Variants in COPS2 observed in about 807,000 individuals in gnomAD.
The protein encoded by COPS2 is COP9 signalosome subunit 2, also known as COP9 signalosome complex subunit 2.
A neutral mutation model predicts 66.1 loss-of-function variants in COPS2; 10 were observed. The ratio of observed to expected loss-of-function variants is 0.15; its 90% confidence interval spans 0.09 to 0.26. COPS2 has a LOEUF of 0.26. COPS2 is among the 10% of genes least tolerant of loss of function. The pLI is 1.00. For synonymous variants in COPS2, 179 were observed against 171.3 expected (o/e 1.04, Z -0.35); for missense variants, 215 against 513.3 (o/e 0.42, Z 5.62).
intron 4 of COPS2, chr15:49,138,004 G>C (rs1417407012): frequency 6.6e-6 from 1 of 152,222 alleles, no homozygotes; most frequent in Non-Finnish European, 1.5e-5. Context: ...AAGAAACAAA[G>C]AATAAGCTCC....
At chr15:49,152,493 T>C (rs767084542) in intron 1 of COPS2, among the ~76,000 whole-genome samples, 4 of 152,108 alleles carry the variant, frequency 2.6e-5, no homozygotes, top group Admixed American at 6.6e-5. Flanking sequence ...CATTTCATTA[T>C]GTGGTAGTGC....
At chr15:49,155,107 G>C (rs2084409805) in intron 1 of COPS2, among the ~76,000 whole-genome samples, 1 of 152,190 alleles carries the variant, frequency 6.6e-6, no homozygotes, top group East Asian at 1.9e-4. Context: ...CTAGCATTTC[G>C]CACCCGCTCA....
intron 1 of COPS2, among the ~76,000 whole-genome samples, chr15:49,149,769 C>A (rs778761553): frequency 1.3e-5 from 2 of 152,142 alleles, no homozygotes; most frequent in Non-Finnish European, 2.9e-5. Context: ...ACAATACTCA[C>A]CATTAACAAT....
At chr15:49,134,185 A>G in intron 7 of COPS2, 77 bp from the exon 8 acceptor site, 1 of 1,429,984 alleles carries the variant, frequency 7.0e-7, no homozygotes. Flanking sequence ...ATAAATGCCA[A>G]ATGAAAACTA....
At chr15:49,141,361 G>A (rs757241865) in intron 3 of COPS2, among the ~76,000 whole-genome samples, 3 of 152,134 alleles carry the variant, frequency 2.0e-5, no homozygotes, top group Non-Finnish European at 2.9e-5. Flanking sequence ...GTCAGGTGTG[G>A]TGGCATGCGC....
Position 49,137,371 on chromosome 15 carries a change from G to A in COPS2, c.439C>T (p.Leu147=), listed in dbSNP as rs745586902. Residue 147 remains leucine (L), a synonymous_variant, in exon 5 of 13, where the codon CTG becomes TTG. Coordinates refer to ENST00000388901, the MANE Select transcript of COPS2 (RefSeq NM_004236.4). ...ACCTTTGTGTTTGTCTTAAACCACA[G>A]TCTATCATTCTTAGCATCTTTCAAA... ...EALKDAKNDR[L]WFKTNTKLGK... is the part of the protein sequence containing the mutation. 1.9e-6 allele frequency: 3 copies of A among 1,610,870 alleles called. No homozygotes were observed. In the Admixed American group the frequency reaches 5.0e-5, roughly 27 times the overall value.
chr15:49,144,643 T>C (rs1023559105), intron 2 of COPS2, among the ~76,000 whole-genome samples: 2 of 152,198 alleles, frequency 1.3e-5, no homozygotes, highest in Non-Finnish European at 2.9e-5. Flanking sequence ...AAGCTATTCA[T>C]AATAATGAAA....
At chr15:49,133,532 C>T (rs548342377) in intron 9 of COPS2, among the ~76,000 whole-genome samples, 5 of 145,958 alleles carry the variant, frequency 3.4e-5, no homozygotes, top group African/African-American at 1.3e-4. Context: ...GACAGACAGA[C>T]ACACACACAT....
At chr15:49,139,017 C>G (rs1448067381) in intron 4 of COPS2, among the ~76,000 whole-genome samples, 1 of 152,108 alleles carries the variant, frequency 6.6e-6, no homozygotes, top group Non-Finnish European at 1.5e-5. Context: ...CTCCCAATAC[C>G]TTCTTTAGTT....
rs1457394192 is a variant in COPS2, at chr15:49,122,840, G to A, written c.*5110C>T. 1 of 152,098 alleles carries A rather than the reference G, an allele frequency of 6.6e-6. No homozygotes were observed. The highest frequency in any genetic ancestry group is 1.5e-5 in the Non-Finnish European group (1 of 67,996). 9.4% of individuals were successfully genotyped at this position (152,098 alleles called of 1,614,324 possible). A position where few individuals can be genotyped will look rare whatever the true frequency, so the allele number is the denominator to read the frequency against. Reference sequence around the variant, plus strand: ...ATGACACATCCTGCACATATAATCAGTTCTCAATTATTAATTGGTGGAACT... The same window carrying A: ...ATGACACATCCTGCACATATAATCAATTCTCAATTATTAATTGGTGGAACT... On this transcript the variant is annotated 3_prime_UTR_variant, in exon 13 of 13. Transcript: ENST00000388901.
chr15:49,128,815 T>C (rs2084187793), intron 11 of COPS2, 55 bp from the exon 12 acceptor site: 1 of 1,118,416 alleles, frequency 8.9e-7, no homozygotes, highest in South Asian at 1.4e-5. Flanking sequence ...TTCATAATTT[T>C]ACACAATCAT....
intron 6 of COPS2, among the ~76,000 whole-genome samples, 158 bp downstream of exon 6, chr15:49,136,992 C>CT (rs1566883361): frequency 5.6e-5 from 8 of 143,094 alleles, no homozygotes; most frequent in South Asian, 2.2e-4. Context: ...CCCTCTCTCT[C>CT]AAAAAAAAAA....
In COPS2 at chr15:49,125,117, C is replaced by T. The variant is rs1341452392; in HGVS notation, c.*2833G>A. The T allele has an allele frequency of 1.3e-5, 2 of 152,122 alleles. No individual in the cohort carries two copies. The highest frequency in any genetic ancestry group is 2.4e-5 in the African/African-American group (1 of 41,436). 9.4% of individuals were successfully genotyped at this position (152,122 alleles called of 1,614,324 possible). On this transcript the variant is annotated 3_prime_UTR_variant, in exon 13 of 13. Transcript: ENST00000388901. Reference sequence around the variant, plus strand: ...TTACATAAGGTAACAAACACTACCACCCACAGTATAGCTCATTTAAAATAG... The same window carrying T: ...TTACATAAGGTAACAAACACTACCATCCACAGTATAGCTCATTTAAAATAG...
Position 49,123,238 on chromosome 15 carries a change from C to A in COPS2, c.*4712G>T, listed in dbSNP as rs1385827737. 5 of 152,128 alleles carry A rather than the reference C, an allele frequency of 3.3e-5. No homozygotes were observed. Among genetic ancestry groups the A allele is most frequent in the Non-Finnish European group, 7.4e-5 (5 of 68,018 alleles). The allele number at this position is 152,128 out of a possible 1,614,324, so 9.4% of individuals were successfully genotyped here. On this transcript the variant is annotated 3_prime_UTR_variant, in exon 13 of 13. Coordinates refer to ENST00000388901, the MANE Select transcript of COPS2 (RefSeq NM_004236.4). ...CTTTTGACAACTTCATGGGATGACG[C>A]TAGAGATTACTTTTTCTAAACTCTA...
rs1160761726 is a variant in COPS2 at position 49,126,228 on chromosome 15, GTT to G, written c.*1720_*1721del. The G allele has an allele frequency of 2.0e-5, 3 of 152,172 alleles. No homozygotes were observed. The highest frequency in any genetic ancestry group is 2.9e-5 in the Non-Finnish European group (2 of 67,828). 9.4% of individuals were successfully genotyped at this position (152,172 alleles called of 1,614,324 possible). ...CCCTACCATAGACATTTTGTCTTTT[GTT>G]TTCTTTCCGTTTTCTACAATTTCCA... On this transcript the variant is annotated 3_prime_UTR_variant, in exon 13 of 13. Coordinates refer to ENST00000388901, the MANE Select transcript of COPS2 (RefSeq NM_004236.4).
intron 6 of COPS2, among the ~76,000 whole-genome samples, chr15:49,136,013 A>G (rs2084248501): frequency 6.6e-6 from 1 of 152,220 alleles, no homozygotes; most frequent in South Asian, 2.1e-4. Context: ...TATGCATCAG[A>G]CTAAAGCATC....
rs201934993 is a variant in COPS2, at chr15:49,150,917, AT to A, written c.54+4607del. Among the ~76,000 whole-genome samples, 18 of 152,314 alleles carry A rather than the reference AT, an allele frequency of 1.2e-4. 1 individual carries two copies. The South Asian group carries it at 2.9e-3, about 25-fold the overall frequency. On this transcript the variant is annotated intron_variant, in intron 1 of 12. Transcript: ENST00000388901. Reference sequence around the variant, plus strand: ...CCCTTGAACCTAAAAGTTAAAAAAAATAAATAAAACTGCTATATATTAAGAC... The same window carrying A: ...CCCTTGAACCTAAAAGTTAAAAAAAAAAATAAAACTGCTATATATTAAGAC...
intron 9 of COPS2, among the ~76,000 whole-genome samples, chr15:49,133,434 G>A (rs1399744464): frequency 6.6e-6 from 1 of 152,204 alleles, no homozygotes; most frequent in Non-Finnish European, 1.5e-5. Flanking sequence ...ATTAAGAGAG[G>A]TATAGGCAGT....
At chr15:49,147,229 A>G (rs1281404607) in intron 1 of COPS2, among the ~76,000 whole-genome samples, 5 of 152,204 alleles carry the variant, frequency 3.3e-5, no homozygotes, top group Admixed American at 2.0e-4. Context: ...ACAGTGTTGA[A>G]TAAGATAGAG....
Sources: gnomAD v4.1 joint callset for allele counts (sites outside exome capture counted in the v4.1 genomes callset) on GRCh38, gnomAD v4.1.1 for gene constraint, MANE v1.5 for transcripts, NCBI Gene and HGNC (gene_info 2026-07-23, HGNC 2026-07-21) for gene names.